Variants in IFNAR2 observed in about 807,000 individuals in gnomAD.
IFNAR2 encodes interferon alpha and beta receptor subunit 2.
A neutral mutation model predicts 49.4 loss-of-function variants in IFNAR2; 30 were observed. The observed-to-expected ratio is 0.61, with a 90% confidence interval of 0.45 to 0.82. The LOEUF (loss-of-function observed/expected upper bound fraction) is 0.82. Ranked by LOEUF, IFNAR2 falls within the 40% of genes least tolerant of loss-of-function variation. The probability of loss-of-function intolerance (pLI) is 0.00; values close to 1 mark genes in which losing one functional copy is unlikely to be tolerated. For synonymous variants in IFNAR2, 224 were observed against 234.5 expected (o/e 0.96, Z 0.41); for missense variants, 600 against 622.7 (o/e 0.96, Z 0.39).
intron 2 of IFNAR2, among the ~76,000 whole-genome samples, chr21:33,243,384 C>T (rs1335234255): frequency 1.3e-5 from 2 of 152,254 alleles, no homozygotes; most frequent in Admixed American, 1.3e-4. Flanking sequence ...CGCCCGGCCC[C>T]AGATATATTT....
At chr21:33,252,368 C>T (rs1338932728) in intron 6 of IFNAR2, 7 of 910,544 alleles carry the variant, frequency 7.7e-6, no homozygotes, top group Admixed American at 4.0e-5. Context: ...GTAAAAATGA[C>T]GTCACAGAGA....
chr21:33,243,540 A>AT (rs372611396), intron 2 of IFNAR2, 133 bp from the exon 3 acceptor site: 75 of 787,438 alleles, frequency 9.5e-5, no homozygotes, highest in African/African-American at 7.7e-4. Context: ...CTATGTGGGC[A>AT]TTTTTTTGGC....
At position 33,260,678 on chromosome 21, in the gene IFNAR2, T is replaced by C; in HGVS notation, c.791T>C (p.Leu264Pro). The C allele has an allele frequency of 6.2e-7, 1 of 1,602,230 alleles. No homozygotes were observed. The highest frequency in any genetic ancestry group is 8.5e-7 in the Non-Finnish European group (1 of 1,177,556). Residue 264 changes from leucine (L) to proline (P), a missense_variant, in exon 8 of 9, where the codon CTG becomes CCG. Transcript: ENST00000342136. ...ALVLTSTIVT[L>P]KWIGYICLRN... ...GTCTTGACAAGCACCATAGTGACAC[T>C]GAAATGGATTGGTTATATATGCTTA...
At chr21:33,251,485 A>G in intron 6 of IFNAR2, 1 of 904,542 alleles carries the variant, frequency 1.1e-6, no homozygotes, top group Non-Finnish European at 1.3e-6. Flanking sequence ...TCATTCTTCC[A>G]AGGAATTTTT....
At chr21:33,258,229 C>T (rs971909365) in intron 7 of IFNAR2, among the ~76,000 whole-genome samples, 40 of 152,086 alleles carry the variant, frequency 2.6e-4, no homozygotes, top group Non-Finnish European at 4.6e-4. Flanking sequence ...CTCTTGAACC[C>T]GGGAGGTGGG....
At chr21:33,237,078 G>GATGTGTGTGTGTGTGTGTGTGTGTGTGT (rs3223272) in intron 1 of IFNAR2, among the ~76,000 whole-genome samples, 5 of 147,590 alleles carry the variant, frequency 3.4e-5, no homozygotes, top group African/African-American at 1.3e-4. Flanking sequence ...GGGAGAATGG[G>GATGTGTGTGTGTGTGTGTGTGTGTGTGT]GTGTGTGTGT....
intron 3 of IFNAR2, among the ~76,000 whole-genome samples, chr21:33,244,571 C>T (rs774391709): frequency 1.8e-4 from 27 of 152,012 alleles, no homozygotes; most frequent in Admixed American, 1.4e-3. Context: ...GTTGAGAGAA[C>T]GGCTTGGGGA....
Position 33,263,478 on chromosome 21 carries a change from G to A in IFNAR2, c.1526G>A (p.Gly509Glu). 1.2e-6 allele frequency: 2 copies of A among 1,611,808 alleles called. No individual in the cohort carries two copies. Among genetic ancestry groups the A allele is most frequent in the Non-Finnish European group, 1.7e-6 (2 of 1,178,992 alleles). Residue 509 changes from glycine (G) to glutamate (E), a missense_variant, in exon 9 of 9, where the codon GGG becomes GAG. Transcript: ENST00000342136. ...SDTSESDVDL[G>E]DGYIMR ...ACTTCTGAGTCAGATGTTGACCTTG[G>A]GGATGGTTATATAATGAGATGACTC... is the stretch of plus-strand genomic sequence containing the variant.
At position 33,230,202 on chromosome 21, in the gene IFNAR2, G is replaced by T; in HGVS notation, c.-98G>T. ...GCTAGCATCTCTCGGGAGCCGCAAG[G>T]CGAGAGCTGCAAAGGTAACGCAGCG... On this transcript the variant is annotated 5_prime_UTR_variant, in exon 1 of 9. Transcript: ENST00000342136. This position sits in a 1 kb window ranked among gnomAD's most constrained non-coding sequence, Gnocchi z 5.5. 9.6e-7 allele frequency: 1 copy of T among 1,039,540 alleles called. No homozygotes were observed. The highest frequency in any genetic ancestry group is 1.2e-6 in the Non-Finnish European group (1 of 859,960). The allele number at this position is 1,039,540 out of a possible 1,614,324, so 64.4% of individuals were successfully genotyped here. A position where few individuals can be genotyped will look rare whatever the true frequency, so the allele number is the denominator to read the frequency against.
intron 4 of IFNAR2, among the ~76,000 whole-genome samples, chr21:33,246,256 G>C (rs1303672891): frequency 6.6e-6 from 1 of 152,056 alleles, no homozygotes; most frequent in African/African-American, 2.4e-5. Flanking sequence ...ATTTTTAGTA[G>C]AGACGGGGTT....
chr21:33,238,036 C>G (rs544905432), intron 1 of IFNAR2, among the ~76,000 whole-genome samples: 50 of 152,222 alleles, frequency 3.3e-4, no homozygotes, highest in Non-Finnish European at 4.9e-4. Flanking sequence ...CCAGGACATA[C>G]GACCCTCCTG....
intron 7 of IFNAR2, among the ~76,000 whole-genome samples, chr21:33,254,446 C>A (rs1209255335): frequency 6.6e-6 from 1 of 152,208 alleles, no homozygotes; most frequent in Non-Finnish European, 1.5e-5. Context: ...AAAGCTGTCT[C>A]TTGCAGGGAA....
At chr21:33,245,144 TTC>T (rs1056304634) in intron 4 of IFNAR2, 70 bp downstream of exon 4, 38 of 1,150,004 alleles carry the variant, frequency 3.3e-5, no homozygotes, top group Middle Eastern at 2.5e-4. Flanking sequence ...AGGTGATCTT[TTC>T]TCTCTCTCTG....
At chr21:33,242,086 G>C in intron 2 of IFNAR2, 109 bp downstream of exon 2, 2 of 930,804 alleles carry the variant, frequency 2.1e-6, no homozygotes, top group Non-Finnish European at 3.3e-6. Context: ...AGAGGACCCA[G>C]TACCACCCTG....
chr21:33,244,212 G>A (rs1047641264), intron 3 of IFNAR2, among the ~76,000 whole-genome samples: 1 of 152,124 alleles, frequency 6.6e-6, no homozygotes, highest in African/African-American at 2.4e-5. Context: ...GAGAAACAAA[G>A]GCCTGAGTCC....
intron 2 of IFNAR2, among the ~76,000 whole-genome samples, chr21:33,242,630 G>A (rs1987026623): frequency 6.7e-6 from 1 of 148,382 alleles, no homozygotes; most frequent in Non-Finnish European, 1.5e-5. Context: ...CTACTTGGGA[G>A]GCTGAGGCAG....
In IFNAR2 at chr21:33,230,021, A is replaced by G; in HGVS notation, c.-279A>G. 1.0e-6 allele frequency: 1 copy of G among 984,916 alleles called. No homozygotes were observed. The highest frequency in any genetic ancestry group is 1.2e-6 in the Non-Finnish European group (1 of 829,748). 61.0% of individuals were successfully genotyped at this position (984,916 alleles called of 1,614,324 possible). On this transcript the variant is annotated 5_prime_UTR_variant, in exon 1 of 9. Coordinates refer to ENST00000342136, the MANE Select transcript of IFNAR2 (RefSeq NM_001289125.3). This position sits in a 1 kb window ranked among gnomAD's most constrained non-coding sequence, Gnocchi z 5.5. Reference sequence around the variant, plus strand: ...CCGGCGGGTAGGAATCCCGCCGGCGAGCCGAACAGTTCCCCGAGCGCAGCC... The same window carrying G: ...CCGGCGGGTAGGAATCCCGCCGGCGGGCCGAACAGTTCCCCGAGCGCAGCC...
chr21:33,242,499 G>A (rs1601795898), intron 2 of IFNAR2, among the ~76,000 whole-genome samples: 1 of 152,138 alleles, frequency 6.6e-6, no homozygotes, highest in East Asian at 2.0e-4. Flanking sequence ...TTGGGAGGCC[G>A]AGGCAGGTGG....
chr21:33,252,766 T>C lies in IFNAR2; in HGVS notation c.645T>C (p.Ser215=), dbSNP rs1987948958. 6.2e-7 allele frequency: 1 copy of C among 1,614,002 alleles called. No individual in the cohort carries two copies. The highest frequency in any genetic ancestry group is 8.5e-7 in the Non-Finnish European group (1 of 1,179,876). The change falls in exon 7 of 9, where the codon AGT becomes AGC. Residue 215 remains serine, a synonymous_variant. Transcript: ENST00000342136. ...NYCVSVYLEH[S]DEQAVIKSPL... is the part of the protein sequence containing the mutation. Reference sequence around the variant, plus strand: ...GTGTATCTGTTTATTTAGAGCACAGTGATGAGCAAGCAGTAATAAAGTCTC... The same window carrying C: ...GTGTATCTGTTTATTTAGAGCACAGCGATGAGCAAGCAGTAATAAAGTCTC...
Sources: allele counts gnomAD v4.1 joint callset (sites outside exome capture counted in the v4.1 genomes callset), GRCh38; gene constraint gnomAD v4.1.1; non-coding constraint Gnocchi (gnomAD v3.1); transcripts MANE v1.5; gene names NCBI Gene and HGNC (gene_info 2026-07-23, HGNC 2026-07-21).